Variants in DHDDS observed in about 807,000 individuals in gnomAD.
The protein encoded by DHDDS is dehydrodolichyl diphosphate synthase complex subunit DHDDS.
In DHDDS, 16 loss-of-function variants were observed where a neutral mutation model predicts 46.2. The ratio of observed to expected loss-of-function variants is 0.35; its 90% CI spans 0.23 to 0.53. The LOEUF is 0.53. Among genes scored for constraint, DHDDS ranks in the 20% least tolerant of loss-of-function variants. The probability of loss-of-function intolerance (pLI) is 0.94; values close to 1 mark genes in which losing one functional copy is unlikely to be tolerated. For missense variants in DHDDS, 340 were observed against 423.7 expected (o/e 0.80, Z 1.73); for synonymous variants, 151 against 163.1 (o/e 0.93, Z 0.56).
chr1:26,449,292 G>A (rs1053556206), intron 6 of DHDDS, among the ~76,000 whole-genome samples: 4 of 151,690 alleles, frequency 2.6e-5, no homozygotes, highest in African/African-American at 7.3e-5. Context: ...GTAGAGACGG[G>A]GTTTCACCAT....
chr1:26,442,947 A>G, intron 4 of DHDDS, 74 bp downstream of exon 4: 1 of 1,609,964 alleles, frequency 6.2e-7, no homozygotes, highest in Non-Finnish European at 8.5e-7. Flanking sequence ...AAATTCTGTT[A>G]TCTGAGGCTT....
intron 2 of DHDDS, among the ~76,000 whole-genome samples, chr1:26,435,507 G>A (rs1368550217): frequency 1.4e-5 from 2 of 138,438 alleles, no homozygotes; most frequent in Non-Finnish European, 3.1e-5. Flanking sequence ...GTGCTATCTC[G>A]GCTCACTGCA....
chr1:26,432,855 T>C (rs2075117429), intron 1 of DHDDS, 36 bp from the exon 2 acceptor site: 1 of 1,429,002 alleles, frequency 7.0e-7, no homozygotes, highest in Non-Finnish European at 9.9e-7. Flanking sequence ...TTCGCAAACC[T>C]TGGTGACTTC....
chr1:26,457,039 T>A (rs1008984564), intron 6 of DHDDS, among the ~76,000 whole-genome samples: 1 of 152,194 alleles, frequency 6.6e-6, no homozygotes, highest in Admixed American at 6.5e-5. Flanking sequence ...AAACAAGATG[T>A]TTTTAGCAAA....
intron 8 of DHDDS, 141 bp downstream of exon 8, chr1:26,460,285 C>G: frequency 1.3e-6 from 1 of 741,754 alleles, no homozygotes; most frequent in Admixed American, 2.0e-5. Context: ...TACTGAGTAT[C>G]TACTACTTGT....
At position 26,442,873 on chromosome 1, in the gene DHDDS, A is replaced by G. The variant is rs2075232541; in HGVS notation, c.323A>G (p.Lys108Arg). The change falls in exon 4 of 9, where the codon AAG (lysine) becomes AGG (arginine). Residue 108 changes from lysine to arginine, a missense_variant and splice_region_variant. By Grantham distance (26) the Lys-to-Arg change is conservative (BLOSUM62 2). Transcript: ENST00000236342. ...AAGTTCAGCCGCTTGATGGAAGAAA[A>G]GTAAGATGCTATCAGAGGGGAGAGC... is the stretch of plus-strand genomic sequence containing the variant. ...RQKFSRLMEE[K>R]EKLQKHGVCI... The G allele has an allele frequency of 3.7e-6, 6 of 1,614,010 alleles. No individual in the cohort carries two copies. The highest frequency in any genetic ancestry group is 1.7e-5 in the Admixed American group (1 of 59,986).
At chr1:26,453,063 G>A (rs1203165486) in intron 6 of DHDDS, among the ~76,000 whole-genome samples, 1 of 151,634 alleles carries the variant, frequency 6.6e-6, no homozygotes, top group East Asian at 1.9e-4. Flanking sequence ...TTGCTCTCTA[G>A]CCTGAACAAC....
At chr1:26,438,101 G>A in intron 2 of DHDDS, 67 bp from the exon 3 acceptor site, 1 of 1,519,132 alleles carries the variant, frequency 6.6e-7, no homozygotes, top group Non-Finnish European at 9.1e-7. Flanking sequence ...TCACCTTGGG[G>A]TGTAGTGTCT....
At chr1:26,467,278 A>G (rs767793426) in intron 8 of DHDDS, 2 of 467,924 alleles carry the variant, frequency 4.3e-6, no homozygotes, top group Non-Finnish European at 8.9e-6. Context: ...TCCTCAAAAA[A>G]AATCCTGTAT....
rs1426073122 is a variant in DHDDS at position 26,460,774 on chromosome 1, C to T, written c.765+630C>T. On this transcript the variant is annotated intron_variant, in intron 8 of 8. Coordinates refer to ENST00000236342, the MANE Select transcript of DHDDS (RefSeq NM_205861.3). Reference sequence around the variant, plus strand: ...TTTCATGTAAGTTTTCTTATTTAACCTAACAACCCAGCAGTTTTGGTGTCC... The same window carrying T: ...TTTCATGTAAGTTTTCTTATTTAACTTAACAACCCAGCAGTTTTGGTGTCC... 2.0e-5 allele frequency among the ~76,000 whole-genome samples: 3 copies of T among 152,214 alleles called. No individual in the cohort carries two copies. In the East Asian group the frequency reaches 5.8e-4, roughly 29 times the overall value.
In DHDDS at chr1:26,442,834, A is replaced by C. The variant is rs1299843641; in HGVS notation, c.284A>C (p.Asp95Ala). The change falls in exon 4 of 9, where the codon GAT becomes GCT. Residue 95 changes from aspartate to alanine, a missense_variant. Physicochemically the swap from Asp to Ala is moderately radical, Grantham distance 126 (BLOSUM62 -2). Around this residue, in one of 2 missense-constraint regions of DHDDS, gnomAD observed 268 missense variants for 300.3 expected, o/e 0.89. Coordinates refer to ENST00000236342, the MANE Select transcript of DHDDS (RefSeq NM_205861.3). ...RSKSEVDGLMDLARQKFSRLM... is the reference protein window; with the variant it reads ...RSKSEVDGLMALARQKFSRLM... ...AAGAGTGAGGTAGACGGGCTTATGGATCTGGCCCGGCAGAAGTTCAGCCGC... is the reference window on the plus strand; with the variant it reads ...AAGAGTGAGGTAGACGGGCTTATGGCTCTGGCCCGGCAGAAGTTCAGCCGC... The C allele has an allele frequency of 6.2e-7, 1 of 1,614,124 alleles. No homozygotes were observed. Among genetic ancestry groups the C allele is most frequent in the East Asian group, 2.2e-5 (1 of 44,878 alleles).
intron 8 of DHDDS, among the ~76,000 whole-genome samples, chr1:26,460,607 C>T (rs1185336264): frequency 6.6e-6 from 1 of 152,158 alleles, no homozygotes; most frequent in Non-Finnish European, 1.5e-5. Context: ...TATGTTGTGT[C>T]AAGACTTGAA....
chr1:26,454,493 A>G (rs1166873631), intron 6 of DHDDS, among the ~76,000 whole-genome samples: 2 of 152,064 alleles, frequency 1.3e-5, no homozygotes, highest in Admixed American at 6.6e-5. Context: ...TATTCTTTAT[A>G]TAGCACTTTA....
chr1:26,456,364 C>A (rs1436066166), intron 6 of DHDDS, among the ~76,000 whole-genome samples: 1 of 151,544 alleles, frequency 6.6e-6, no homozygotes, highest in Non-Finnish European at 1.5e-5. Flanking sequence ...AGAGGGAGAC[C>A]CTGTCTGGAA....
At chr1:26,457,988 C>T in intron 7 of DHDDS, 83 bp downstream of exon 7, 1 of 1,187,200 alleles carries the variant, frequency 8.4e-7, no homozygotes, top group East Asian at 2.3e-5. Flanking sequence ...GGTCCATCCC[C>T]ACTCCCAAAC....
intron 6 of DHDDS, chr1:26,448,081 C>G (rs777115631): frequency 2.9e-5 from 9 of 308,486 alleles, no homozygotes; most frequent in Non-Finnish European, 5.4e-5. Flanking sequence ...CCTCCTGGCC[C>G]TTTGGTAGTG....
intron 8 of DHDDS, among the ~76,000 whole-genome samples, chr1:26,464,102 C>T (rs186075807): frequency 6.1e-5 from 9 of 148,720 alleles, no homozygotes; most frequent in Non-Finnish European, 1.3e-4. Context: ...AAGCAATTCT[C>T]CTGCCTCAGC....
At chr1:26,447,851 G>A in intron 6 of DHDDS, 191 bp downstream of exon 6, 3 of 657,796 alleles carry the variant, frequency 4.6e-6, no homozygotes, top group Non-Finnish European at 8.2e-6. Context: ...CAAAAAAGCA[G>A]GCCTGTACCA....
chr1:26,458,975 A>G (rs1269068172), intron 7 of DHDDS, among the ~76,000 whole-genome samples: 1 of 152,174 alleles, frequency 6.6e-6, no homozygotes, highest in Non-Finnish European at 1.5e-5. Context: ...AGGAAAGGAT[A>G]GTGGTCTGCA....
Sources: allele counts gnomAD v4.1 joint callset (sites outside exome capture counted in the v4.1 genomes callset), GRCh38; gene constraint gnomAD v4.1.1; regional missense constraint gnomAD v4.1.1; transcripts MANE v1.5; gene names NCBI Gene and HGNC (gene_info 2026-07-23, HGNC 2026-07-21).